The following PCDHAC2 variants were observed in gnomAD, a reference collection of about 807,000 sequenced individuals.
PCDHAC2 encodes the protein protocadherin alpha subfamily C, 2.
Under a neutral mutation model 63.3 loss-of-function variants are expected in PCDHAC2, and 24 were observed. The observed-to-expected ratio is 0.38, with a 90% CI of 0.27 to 0.53. The LOEUF (loss-of-function observed/expected upper bound fraction) is 0.53, where lower values mean the gene tolerates loss of function less well. Among genes scored for constraint, PCDHAC2 ranks in the 20% least tolerant of loss-of-function variants. The pLI is 0.81. For synonymous variants in PCDHAC2, 569 were observed against 529.4 expected (o/e 1.07, Z -1.03); for missense variants, 1,181 against 1,275.2 (o/e 0.93, Z 1.12).
chr5:140,979,241 G>A (rs766062040), intron 2 of PCDHAC2, among the ~76,000 whole-genome samples: 4 of 152,150 alleles, frequency 2.6e-5, no homozygotes, highest in Non-Finnish European at 5.9e-5. Context: ...CACAGAAACA[G>A]GCTGCTATGT....
intron 3 of PCDHAC2, among the ~76,000 whole-genome samples, chr5:140,983,223 C>T (rs2153830857): frequency 6.6e-6 from 1 of 152,270 alleles, no homozygotes; most frequent in Admixed American, 6.5e-5. Context: ...CTAATCCAAA[C>T]TTTCAGGAAA....
At chr5:141,000,430 T>A (rs1295455270) in intron 3 of PCDHAC2, among the ~76,000 whole-genome samples, 2 of 126,420 alleles carry the variant, frequency 1.6e-5, no homozygotes, top group African/African-American at 6.1e-5. Context: ...TATTTTTTTT[T>A]TTTTTTTTTT....
chr5:140,990,518 T>G (rs2097397992), intron 3 of PCDHAC2, among the ~76,000 whole-genome samples: 1 of 152,314 alleles, frequency 6.6e-6, no homozygotes, highest in South Asian at 2.1e-4. Context: ...CTCTCTTGTC[T>G]TTTTTGACTG....
intron 3 of PCDHAC2, among the ~76,000 whole-genome samples, chr5:140,996,816 A>G (rs1587722851): frequency 6.6e-6 from 1 of 152,264 alleles, no homozygotes; most frequent in Non-Finnish European, 1.5e-5. Flanking sequence ...TTCCAAAAGT[A>G]ACCACTACCA....
At chr5:140,991,535 A>G (rs1323346658) in intron 3 of PCDHAC2, among the ~76,000 whole-genome samples, 4 of 152,244 alleles carry the variant, frequency 2.6e-5, no homozygotes, top group South Asian at 4.1e-4. Context: ...TTGCCACTAT[A>G]TAACAAGGAT....
At chr5:140,969,601 T>C (rs2096345611) in intron 1 of PCDHAC2, 1 of 772,836 alleles carries the variant, frequency 1.3e-6, no homozygotes, top group African/African-American at 1.8e-5. Flanking sequence ...TATTTAATGC[T>C]AAAACACAGA....
rs576180714 is a variant in PCDHAC2, at chr5:140,969,129, C to G, written c.2363C>G (p.Thr788Ser). ...FIEVRGNGSL[T>S]KTYCYKACLT... Reference sequence around the variant, plus strand: ...GAAGTTCGAGGGAATGGCTCCCTCACCAAGACCTACTGCTACAAGGCCTGT... The same window carrying G: ...GAAGTTCGAGGGAATGGCTCCCTCAGCAAGACCTACTGCTACAAGGCCTGT... Residue 788 changes from threonine (T) to serine (S), a missense_variant, in exon 1 of 4, where the codon ACC (threonine) becomes AGC (serine). Thr to Ser is a moderately conservative substitution (Grantham distance 58). Coordinates refer to ENST00000289269, the MANE Select transcript of PCDHAC2 (RefSeq NM_018899.6). 2.5e-6 allele frequency: 4 copies of G among 1,614,144 alleles called. No individual in the cohort carries two copies. The highest frequency in any genetic ancestry group is 1.7e-5 in the Admixed American group (1 of 60,024).
rs2096036369 is a variant in PCDHAC2 at position 140,966,678 on chromosome 5, C to G, written c.-89C>G. On this transcript the variant is annotated 5_prime_UTR_variant, in exon 1 of 4. Coordinates refer to ENST00000289269, the MANE Select transcript of PCDHAC2 (RefSeq NM_018899.6). ...GTGGGGGAGCAGGCGCAGGGTGGCACGAGCGGAGGCGGGGCCCGGGCGTGG... is the reference window on the plus strand; with the variant it reads ...GTGGGGGAGCAGGCGCAGGGTGGCAGGAGCGGAGGCGGGGCCCGGGCGTGG... The G allele has an allele frequency of 6.1e-6, 8 of 1,313,236 alleles. No homozygotes were observed. Among genetic ancestry groups the G allele is most frequent in the Non-Finnish European group, 2.9e-6 (3 of 1,018,066 alleles). 81.3% of individuals were successfully genotyped at this position (1,313,236 alleles called of 1,614,324 possible).
rs376607115 is a variant in PCDHAC2 at position 141,006,474 on chromosome 5, A to G, written c.2714-3153A>G. Among the ~76,000 whole-genome samples, 193 of 152,188 alleles carry G rather than the reference A, an allele frequency of 1.3e-3. 1 individual carries two copies. The highest frequency in any genetic ancestry group is 4.5e-3 in the African/African-American group (185 of 41,520). ...GAGATCTGCCTGTCTCGGCCTCCCA[A>G]AGTGCTGGGATTACATGTGTGAGCC... On this transcript the variant is annotated intron_variant, in intron 3 of 3. Transcript: ENST00000289269.
rs2098414068 is a variant in PCDHAC2 at position 141,009,729 on chromosome 5, G to T, written c.2816G>T (p.Gly939Val). The T allele has an allele frequency of 6.2e-7, 1 of 1,614,168 alleles. No homozygotes were observed. The highest frequency in any genetic ancestry group is 8.5e-7 in the Non-Finnish European group (1 of 1,180,028). ...GGCAACCCCAAACAATCCGGTCCCG[G>T]TGAGTTGCCCGACAAATTCATTATC... is the stretch of plus-strand genomic sequence containing the variant. ...GPGNPKQSGPGELPDKFIIPG... is the reference protein window; with the variant it reads ...GPGNPKQSGPVELPDKFIIPG... Residue 939 changes from glycine (G) to valine (V), a missense_variant, in exon 4 of 4, where the codon GGT becomes GTT. This residue lies in a region of PCDHAC2 where 968 missense variants were observed against 1,073.5 expected (regional missense o/e 0.90). Transcript: ENST00000289269.
intron 1 of PCDHAC2, among the ~76,000 whole-genome samples, chr5:140,972,527 C>A (rs1173109086): frequency 6.6e-6 from 1 of 152,092 alleles, no homozygotes; most frequent in Non-Finnish European, 1.5e-5. Flanking sequence ...GAGCTTATTT[C>A]ATAAATCACT....
Position 140,968,832 on chromosome 5 carries a change from C to A in PCDHAC2, c.2066C>A (p.Pro689His), listed in dbSNP as rs1554231147. Reference protein sequence around the residue: ...AVVDRVSKILPDTQRHVKSPR... With the variant: ...AVVDRVSKILHDTQRHVKSPR... ...GTGGATAGGGTTTCCAAAATCCTCCCTGACACTCAGAGGCATGTTAAGAGC... is the reference window on the plus strand; with the variant it reads ...GTGGATAGGGTTTCCAAAATCCTCCATGACACTCAGAGGCATGTTAAGAGC... Residue 689 changes from proline to histidine, a missense_variant, in exon 1 of 4, where the codon CCT becomes CAT. Coordinates refer to ENST00000289269, the MANE Select transcript of PCDHAC2 (RefSeq NM_018899.6). 6.2e-7 allele frequency: 1 copy of A among 1,614,200 alleles called. No individual in the cohort carries two copies. The highest frequency in any genetic ancestry group is 2.2e-5 in the East Asian group (1 of 44,886).
At chr5:140,997,604 G>A (rs1271144424) in intron 3 of PCDHAC2, among the ~76,000 whole-genome samples, 2 of 152,136 alleles carry the variant, frequency 1.3e-5, no homozygotes, top group East Asian at 1.9e-4. Flanking sequence ...ATTATGGGGC[G>A]CATGACTATA....
chr5:140,989,010 A>G (rs2097325577), intron 3 of PCDHAC2: 1 of 152,226 alleles, frequency 6.6e-6, no homozygotes, highest in Non-Finnish European at 1.5e-5. Context: ...GAGACTTATT[A>G]TAGTTTCTTC....
Position 141,009,784 on chromosome 5 carries a change from G to T in PCDHAC2, c.2871G>T (p.Arg957=). The T allele has an allele frequency of 6.2e-7, 1 of 1,614,054 alleles. No individual in the cohort carries two copies. The highest frequency in any genetic ancestry group is 8.5e-7 in the Non-Finnish European group (1 of 1,180,018). ...GATCTCCTGCAATCATCTCCATCCG[G>T]CAGGAGCCTACTAACAGCCAAATTG... ...IPGSPAIISI[R]QEPTNSQIDK... The change falls in exon 4 of 4, where the codon CGG becomes CGT. Residue 957 remains arginine (R), a synonymous_variant. Coordinates refer to ENST00000289269, the MANE Select transcript of PCDHAC2 (RefSeq NM_018899.6).
chr5:141,007,416 AAATT>A (rs2098327486), intron 3 of PCDHAC2, among the ~76,000 whole-genome samples: 1 of 149,348 alleles, frequency 6.7e-6, no homozygotes, highest in Non-Finnish European at 1.5e-5. Context: ...AAAAAAAAAA[AAATT>A]AGCCAGGCAT....
chr5:140,984,386 A>G (rs2097099955), intron 3 of PCDHAC2, among the ~76,000 whole-genome samples: 1 of 152,202 alleles, frequency 6.6e-6, no homozygotes, highest in South Asian at 2.1e-4. Flanking sequence ...TTCAGATTCA[A>G]AAAATGTTGA....
rs782426631 is a variant in PCDHAC2, at chr5:140,982,476, T to C, written c.2626T>C (p.Ser876Pro). Residue 876 changes from serine (S) to proline (P), a missense_variant and splice_region_variant, in exon 3 of 4, where the codon TCT becomes CCT. By Grantham distance (74) the Ser-to-Pro change is moderately conservative. Transcript: ENST00000289269. ...ATCTGGGTCTGTGTGTTTATTCAGC[T>C]CTGTGCACCTAGAGGAGGCTGGCAT... ...SASLRAGMHS[S>P]VHLEEAGILR... 3 of 1,614,064 alleles carry C rather than the reference T, an allele frequency of 1.9e-6. No homozygotes were observed. The highest frequency in any genetic ancestry group is 1.6e-4 in the Middle Eastern group (1 of 6,082).
intron 1 of PCDHAC2, among the ~76,000 whole-genome samples, chr5:140,975,492 A>G (rs2153807380): frequency 6.6e-6 from 1 of 152,332 alleles, no homozygotes; most frequent in South Asian, 2.1e-4. Flanking sequence ...ATCAATGTTC[A>G]TAAAATAGCA....
Sources: gnomAD v4.1 joint callset for allele counts (sites outside exome capture counted in the v4.1 genomes callset) on GRCh38, gnomAD v4.1.1 for gene constraint, gnomAD v4.1.1 regional missense constraint, MANE v1.5 for transcripts, NCBI Gene and HGNC (gene_info 2026-07-23, HGNC 2026-07-21) for gene names.